GTF2F2: variants seen among roughly 807,000 people sequenced by gnomAD.
The protein encoded by GTF2F2 is general transcription factor IIF subunit 2.
GTF2F2 carries 23 observed loss-of-function variants against 42.2 expected under a neutral mutation model. That is an observed-to-expected ratio of 0.55 (90% CI 0.39 to 0.77). GTF2F2 has a LOEUF of 0.77. Ranked by LOEUF, GTF2F2 falls within the 30% of genes least tolerant of loss-of-function variation. The probability of loss-of-function intolerance (pLI) is 0.00; values close to 1 mark genes in which losing one functional copy is unlikely to be tolerated. For synonymous variants in GTF2F2, 105 were observed against 100.8 expected (o/e 1.04, Z -0.25); for missense variants, 261 against 287.2 (o/e 0.91, Z 0.66).
Position 45,151,673 on chromosome 13 carries a change from A to G in GTF2F2, c.160-14A>G. On this transcript the variant is annotated splice_polypyrimidine_tract_variant and intron_variant, in intron 3 of 7. Transcript: ENST00000340473. ...CAGAAGTCTGTTATAATCTCTGGTT[A>G]ATGTGTCTATTAGGTGTCATTTACT... The G allele has an allele frequency of 6.4e-7, 1 of 1,559,376 alleles. No individual in the cohort carries two copies. The highest frequency in any genetic ancestry group is 8.8e-7 in the Non-Finnish European group (1 of 1,133,582).
chr13:45,239,282 G>T (rs1042808717), intron 5 of GTF2F2, among the ~76,000 whole-genome samples: 1 of 152,194 alleles, frequency 6.6e-6, no homozygotes, highest in African/African-American at 2.4e-5. Flanking sequence ...AGGAAACTAC[G>T]TAAGATAGTA....
intron 7 of GTF2F2, among the ~76,000 whole-genome samples, chr13:45,271,815 T>C (rs1010245386): frequency 2.0e-5 from 3 of 152,076 alleles, no homozygotes; most frequent in Non-Finnish European, 4.4e-5. Context: ...CAGGCTGCTT[T>C]CTGATTTCTA....
At chr13:45,261,799 A>G (rs1329735917) in intron 6 of GTF2F2, among the ~76,000 whole-genome samples, 1 of 152,212 alleles carries the variant, frequency 6.6e-6, no homozygotes. Flanking sequence ...CTTCTCCTAA[A>G]TAGAATAGTT....
chr13:45,154,629 C>T (rs974809180), intron 4 of GTF2F2, among the ~76,000 whole-genome samples: 3 of 152,076 alleles, frequency 2.0e-5, no homozygotes, highest in Non-Finnish European at 4.4e-5. Context: ...TCTCTTTGCA[C>T]CATTCTGTGC....
chr13:45,137,140 A>G (rs1869671434), intron 2 of GTF2F2, among the ~76,000 whole-genome samples: 2 of 152,226 alleles, frequency 1.3e-5, no homozygotes. Context: ...TAGGCTGGGT[A>G]TAACTGGATG....
At chr13:45,184,256 A>C (rs1872305935) in intron 4 of GTF2F2, among the ~76,000 whole-genome samples, 1 of 152,058 alleles carries the variant, frequency 6.6e-6, no homozygotes, top group Admixed American at 6.5e-5. Context: ...CGCAGGAAAG[A>C]GGTAGATAGG....
chr13:45,245,294 A>ATT (rs563994849), intron 5 of GTF2F2, among the ~76,000 whole-genome samples: 1 of 148,438 alleles, frequency 6.7e-6, no homozygotes, highest in African/African-American at 2.5e-5. Context: ...ATTCTTTAAA[A>ATT]TTTTTTTTTT....
intron 4 of GTF2F2, among the ~76,000 whole-genome samples, chr13:45,191,178 T>C (rs1370762734): frequency 3.7e-5 from 5 of 136,546 alleles, no homozygotes; most frequent in South Asian, 4.5e-4. Flanking sequence ...GAGACCATCC[T>C]GGCTAACATG....
At chr13:45,201,672 A>G (rs1873192033) in intron 4 of GTF2F2, among the ~76,000 whole-genome samples, 1 of 152,200 alleles carries the variant, frequency 6.6e-6, no homozygotes. Context: ...ATAAATTACC[A>G]TCATCAAAGA....
chr13:45,271,620 C>G (rs751705252), intron 7 of GTF2F2, among the ~76,000 whole-genome samples: 17 of 151,954 alleles, frequency 1.1e-4, no homozygotes, highest in Non-Finnish European at 2.2e-4. Flanking sequence ...GACACGATCT[C>G]AGCTCACTAC....
At chr13:45,197,686 A>G (rs1872971022) in intron 4 of GTF2F2, among the ~76,000 whole-genome samples, 1 of 152,122 alleles carries the variant, frequency 6.6e-6, no homozygotes, top group Non-Finnish European at 1.5e-5. Context: ...GTTTTAGTCT[A>G]TTCTAAATTT....
At chr13:45,121,674 A>G (rs1357309165) in intron 1 of GTF2F2, among the ~76,000 whole-genome samples, 3 of 152,192 alleles carry the variant, frequency 2.0e-5, no homozygotes, top group East Asian at 1.9e-4. Flanking sequence ...CAACACACAG[A>G]ATCACATTCC....
At chr13:45,130,191 C>G (rs752825615) in intron 1 of GTF2F2, among the ~76,000 whole-genome samples, 2 of 152,166 alleles carry the variant, frequency 1.3e-5, no homozygotes, top group African/African-American at 4.8e-5. Context: ...AAATCGTGGA[C>G]TGTGGAGTCG....
At chr13:45,134,319 A>G (rs994032781) in intron 1 of GTF2F2, among the ~76,000 whole-genome samples, 1 of 152,022 alleles carries the variant, frequency 6.6e-6, no homozygotes, top group African/African-American at 2.4e-5. Context: ...TGAAAGACAA[A>G]TTTTCGCTAG....
At chr13:45,238,025 C>T (rs1410155146) in intron 5 of GTF2F2, among the ~76,000 whole-genome samples, 1 of 152,216 alleles carries the variant, frequency 6.6e-6, no homozygotes, top group Non-Finnish European at 1.5e-5. Flanking sequence ...GTCATCTCAG[C>T]TCACCGCAAC....
intron 4 of GTF2F2, among the ~76,000 whole-genome samples, chr13:45,162,104 C>G (rs1396576588): frequency 2.0e-5 from 3 of 152,148 alleles, no homozygotes; most frequent in Non-Finnish European, 4.4e-5. Flanking sequence ...GACAGAAGCT[C>G]TAAGAGATTG....
chr13:45,261,214 CAGG>C (rs1357670302), intron 6 of GTF2F2, among the ~76,000 whole-genome samples: 1 of 152,036 alleles, frequency 6.6e-6, no homozygotes, highest in African/African-American at 2.4e-5. Context: ...ATCATGAGAT[CAGG>C]AGATCAAGAC....
chr13:45,253,017 T>G, intron 6 of GTF2F2, 47 bp downstream of exon 6: 1 of 814,276 alleles, frequency 1.2e-6, no homozygotes, highest in Non-Finnish European at 1.9e-6. Flanking sequence ...TCTTCATTCT[T>G]TTCTGTATCA....
chr13:45,171,647 A>T (rs1871604105), intron 4 of GTF2F2, among the ~76,000 whole-genome samples: 2 of 152,188 alleles, frequency 1.3e-5, no homozygotes, highest in Non-Finnish European at 1.5e-5. Flanking sequence ...CTCATACCAT[A>T]CAATTCACCC....
Sources: allele counts gnomAD v4.1 joint callset (sites outside exome capture counted in the v4.1 genomes callset), GRCh38; gene constraint gnomAD v4.1.1; transcripts MANE v1.5; gene names NCBI Gene and HGNC (gene_info 2026-07-23, HGNC 2026-07-21).